Variants in PCDHA7 observed in about 807,000 individuals in gnomAD.
The protein encoded by PCDHA7 is protocadherin alpha 7.
A neutral mutation model predicts 57.2 loss-of-function variants in PCDHA7; 37 were observed. The ratio of observed to expected loss-of-function variants is 0.65; its 90% CI spans 0.50 to 0.85. PCDHA7 has a LOEUF of 0.85. PCDHA7 is among the 40% of genes least tolerant of loss of function. PCDHA7 has a pLI of 0.00. For synonymous variants in PCDHA7, 553 were observed against 558.8 expected (o/e 0.99, Z 0.15); for missense variants, 1,188 against 1,241.8 (o/e 0.96, Z 0.65).
At chr5:140,927,994 G>C in intron 1 of PCDHA7, 1 of 1,614,180 alleles carries the variant, frequency 6.2e-7, no homozygotes, top group Non-Finnish European at 8.5e-7. Flanking sequence ...AAAGGATGAA[G>C]ACCTCGATTC....
intron 1 of PCDHA7, among the ~76,000 whole-genome samples, chr5:140,846,281 T>G (rs1780295705): frequency 6.7e-6 from 1 of 149,458 alleles, no homozygotes; most frequent in Non-Finnish European, 1.5e-5. Context: ...CAATTTATGT[T>G]GTAGTTCTAT....
intron 1 of PCDHA7, among the ~76,000 whole-genome samples, chr5:140,896,330 A>C (rs1435351695): frequency 1.3e-5 from 2 of 152,170 alleles, no homozygotes. Flanking sequence ...CAGTGGCTAA[A>C]CTAATTTATA....
chr5:140,883,642 C>G (rs200197885), intron 1 of PCDHA7: 55 of 1,613,904 alleles, frequency 3.4e-5, no homozygotes, highest in East Asian at 2.0e-4. Flanking sequence ...TCGCGCAGCC[C>G]GAGTACACGG....
At chr5:140,923,660 G>T (rs1442227445) in intron 1 of PCDHA7, among the ~76,000 whole-genome samples, 1 of 152,148 alleles carries the variant, frequency 6.6e-6, no homozygotes, top group South Asian at 2.1e-4. Context: ...TTATCTTTGG[G>T]ATATCGTTCT....
At chr5:140,941,221 T>TTCTTTCTTTCTTTCTTTCTC (rs1563186510) in intron 1 of PCDHA7, among the ~76,000 whole-genome samples, 1 of 131,536 alleles carries the variant, frequency 7.6e-6, no homozygotes, top group Admixed American at 7.9e-5. Context: ...CTTCCTTTCT[T>TTCTTTCTTTCTTTCTTTCTC]TCTTTCTTTC....
At chr5:140,971,987 G>A (rs1246433962) in intron 1 of PCDHA7, among the ~76,000 whole-genome samples, 1 of 152,086 alleles carries the variant, frequency 6.6e-6, no homozygotes, top group Non-Finnish European at 1.5e-5. Context: ...GTAGACAGAA[G>A]TTCCAATGTT....
intron 1 of PCDHA7, among the ~76,000 whole-genome samples, chr5:140,937,697 G>A (rs2091687536): frequency 6.6e-6 from 1 of 151,910 alleles, no homozygotes; most frequent in Non-Finnish European, 1.5e-5. Flanking sequence ...CGGATCACGA[G>A]GTCAGGAGAT....
At chr5:140,841,206 G>A (rs1278287433) in intron 1 of PCDHA7, 13 of 1,350,372 alleles carry the variant, frequency 9.6e-6, no homozygotes, top group Admixed American at 2.4e-5. Flanking sequence ...GACAGCATCT[G>A]TCTCTAAAGG....
At chr5:140,838,642 A>G (rs1255471339) in intron 1 of PCDHA7, among the ~76,000 whole-genome samples, 7 of 152,060 alleles carry the variant, frequency 4.6e-5, no homozygotes, top group African/African-American at 1.5e-4. Context: ...GTTGGTCAAA[A>G]AAATGATAGT....
intron 1 of PCDHA7, among the ~76,000 whole-genome samples, chr5:140,943,004 C>T (rs1248261862): frequency 6.6e-6 from 1 of 151,842 alleles, no homozygotes; most frequent in East Asian, 1.9e-4. Context: ...TGCCTGTAAT[C>T]CCAGCACTTT....
At chr5:140,969,464 C>T in intron 1 of PCDHA7, 2 of 1,491,562 alleles carry the variant, frequency 1.3e-6, no homozygotes, top group South Asian at 2.7e-5. Context: ...ATATAGTATC[C>T]ACAATTTGAT....
intron 1 of PCDHA7, among the ~76,000 whole-genome samples, chr5:140,891,306 A>G (rs1452305510): frequency 6.6e-6 from 1 of 152,034 alleles, no homozygotes; most frequent in African/African-American, 2.4e-5. Flanking sequence ...ATTTGATTAC[A>G]TGAGTAAGTT....
intron 1 of PCDHA7, chr5:140,877,904 A>G (rs1421896402): frequency 7.0e-7 from 1 of 1,436,098 alleles, no homozygotes; most frequent in East Asian, 2.5e-5. Context: ...GGTTATAACT[A>G]CATTCTCTCA....
chr5:140,835,044 G>A lies in PCDHA7; in HGVS notation c.661G>A (p.Glu221Lys), dbSNP rs1554134705. ...CACGGCCACCGATGGAGGCAAACCC[G>A]AGCTGACTGGCACCGTTCAATTACT... ...LLTATDGGKPELTGTVQLLIT... is the reference protein window; with the variant it reads ...LLTATDGGKPKLTGTVQLLIT... Residue 221 changes from glutamate (E) to lysine (K), a missense_variant, in exon 1 of 4, where the codon GAG becomes AAG. By Grantham distance (56) the Glu-to-Lys change is moderately conservative (BLOSUM62 1). Transcript: ENST00000525929. The A allele has an allele frequency of 1.7e-5, 21 of 1,263,874 alleles. 1 individual carries two copies. The highest frequency in any genetic ancestry group is 1.9e-5 in the Non-Finnish European group (18 of 927,706). 78.3% of individuals were successfully genotyped at this position (1,263,874 alleles called of 1,614,324 possible). A position where few individuals can be genotyped will look rare whatever the true frequency, so the allele number is the denominator to read the frequency against.
chr5:140,919,609 CT>C (rs2079218169), intron 1 of PCDHA7, among the ~76,000 whole-genome samples: 2 of 151,908 alleles, frequency 1.3e-5, no homozygotes, highest in South Asian at 4.1e-4. Flanking sequence ...AAATTTTAAA[CT>C]GTATCTTTTG....
chr5:140,848,469 T>G, intron 1 of PCDHA7: 9 of 1,548,186 alleles, frequency 5.8e-6, no homozygotes, highest in Non-Finnish European at 7.9e-6. Context: ...CAATTTTCAC[T>G]AATTAGAAGA....
At chr5:140,990,155 G>GT (rs1274867030) in intron 3 of PCDHA7, among the ~76,000 whole-genome samples, 4 of 152,076 alleles carry the variant, frequency 2.6e-5, no homozygotes, top group African/African-American at 9.7e-5. Context: ...ATAATAGAAA[G>GT]TTAGGGTATG....
At chr5:140,862,968 G>C in intron 1 of PCDHA7, 1 of 544,810 alleles carries the variant, frequency 1.8e-6, no homozygotes, top group Non-Finnish European at 3.6e-6. Context: ...GTGGATGCAG[G>C]CCACTTGGTG....
At chr5:140,966,968 G>T in intron 1 of PCDHA7, 1 of 1,602,616 alleles carries the variant, frequency 6.2e-7, no homozygotes. Context: ...GCTGGGGCTT[G>T]AGCTGCGGCG....
Sources: gnomAD v4.1 joint callset for allele counts (sites outside exome capture counted in the v4.1 genomes callset) on GRCh38, gnomAD v4.1.1 for gene constraint, MANE v1.5 for transcripts, NCBI Gene and HGNC (gene_info 2026-07-23, HGNC 2026-07-21) for gene names.